The following NAALADL2 variants were observed in gnomAD, a reference collection of about 807,000 sequenced individuals.
The protein encoded by NAALADL2 is inactive N-acetylated-alpha-linked acidic dipeptidase-like protein 2.
Under a neutral mutation model 87.2 loss-of-function variants are expected in NAALADL2, and 76 were observed. The observed-to-expected ratio is 0.87, with a 90% CI of 0.72 to 1.05. The LOEUF is 1.05. Ranked by LOEUF, NAALADL2 falls within the 50% of genes least tolerant of loss-of-function variation. The pLI is 0.00. For missense variants in NAALADL2, 1,089 were observed against 945.8 expected (o/e 1.15, Z -1.99); for synonymous variants, 354 against 331.0 (o/e 1.07, Z -0.75).
chr3:174,987,590 A>AAAAC (rs1560446058), intron 1 of NAALADL2, among the ~76,000 whole-genome samples: 1 of 141,662 alleles, frequency 7.1e-6, no homozygotes, highest in African/African-American at 2.8e-5. Flanking sequence ...AAAAAAAAAA[A>AAAAC]AAAAAAAACA....
At chr3:174,487,936 G>A (rs1192996345) in intron 1 of NAALADL2, among the ~76,000 whole-genome samples, 2 of 151,880 alleles carry the variant, frequency 1.3e-5, no homozygotes, top group Admixed American at 6.6e-5. Context: ...CGTAGCAAGA[G>A]CCAATATATA....
intron 13 of NAALADL2, 99 bp from the exon 14 acceptor site, chr3:175,802,906 A>G: frequency 2.7e-6 from 2 of 734,560 alleles, no homozygotes; most frequent in Non-Finnish European, 4.5e-6. Flanking sequence ...TTATTCATTT[A>G]TTGAAAACAT....
rs143156290 is a variant in NAALADL2, at chr3:175,649,988, A to G, written c.1896+22602A>G. ...AAACATAAGCTTATCCTATGACCCAACAATTCCACTCCTAGGAATCAACAC... is the reference window on the plus strand; with the variant it reads ...AAACATAAGCTTATCCTATGACCCAGCAATTCCACTCCTAGGAATCAACAC... On this transcript the variant is annotated intron_variant, in intron 11 of 13. Coordinates refer to ENST00000454872, the MANE Select transcript of NAALADL2 (RefSeq NM_207015.3). Among the ~76,000 whole-genome samples, 1,023 of 151,176 alleles carry G rather than the reference A, an allele frequency of 6.8e-3. 2 individuals carry two copies. The highest frequency in any genetic ancestry group is 0.01 in the South Asian group (50 of 4,772).
rs115223876 is a variant in NAALADL2 at position 175,579,710 on chromosome 3, C to T, written c.1800+3523C>T. On this transcript the variant is annotated intron_variant, in intron 10 of 13. Coordinates refer to ENST00000454872, the MANE Select transcript of NAALADL2 (RefSeq NM_207015.3). ...CATTCTGTACAGATTAAATACAATGCGGAGAATGTCAAAAAGGAAAAGACA... is the reference window on the plus strand; with the variant it reads ...CATTCTGTACAGATTAAATACAATGTGGAGAATGTCAAAAAGGAAAAGACA... Among the ~76,000 whole-genome samples the T allele has an allele frequency of 4.5e-3, 679 of 152,222 alleles. 3 individuals are homozygous for T. Among genetic ancestry groups the T allele is most frequent in the Middle Eastern group, 0.024 (7 of 294 alleles).
At chr3:175,774,421 A>G (rs1353220451) in intron 13 of NAALADL2, among the ~76,000 whole-genome samples, 1 of 152,014 alleles carries the variant, frequency 6.6e-6, no homozygotes, top group Non-Finnish European at 1.5e-5. Context: ...GAAAAAGTTA[A>G]ACAAAAATTT....
At chr3:174,666,959 C>A (rs973632724) in intron 2 of NAALADL2, among the ~76,000 whole-genome samples, 1 of 152,048 alleles carries the variant, frequency 6.6e-6, no homozygotes, top group Non-Finnish European at 1.5e-5. Flanking sequence ...TGTTTTGTTT[C>A]ATCTAACATA....
chr3:174,545,001 A>G (rs1465501898), intron 1 of NAALADL2, among the ~76,000 whole-genome samples: 1 of 151,932 alleles, frequency 6.6e-6, no homozygotes, highest in Admixed American at 6.6e-5. Context: ...TCAGCCTCCC[A>G]TGTTTCCAGG....
intron 1 of NAALADL2, among the ~76,000 whole-genome samples, chr3:174,944,165 C>G (rs6771445): frequency 0.041 from 6,280 of 152,246 alleles, 439 homozygotes; most frequent in African/African-American, 0.14. Context: ...CCTGCTCCTC[C>G]CTCTAGGAGC....
chr3:174,595,991 A>T (rs1457629745), intron 2 of NAALADL2, among the ~76,000 whole-genome samples: 1 of 152,084 alleles, frequency 6.6e-6, no homozygotes, highest in Non-Finnish European at 1.5e-5. Flanking sequence ...CAGCCTGGGC[A>T]CAAGAGCCAA....
At chr3:175,332,286 G>A (rs1027519689) in intron 5 of NAALADL2, among the ~76,000 whole-genome samples, 2 of 152,090 alleles carry the variant, frequency 1.3e-5, no homozygotes, top group African/African-American at 2.4e-5. Flanking sequence ...ACAAAAAGAA[G>A]AAACCTGGAG....
intron 2 of NAALADL2, among the ~76,000 whole-genome samples, chr3:175,170,477 TATA>T (rs1441725434): frequency 2.4e-4 from 35 of 146,860 alleles, no homozygotes; most frequent in Non-Finnish European, 1.2e-4. Flanking sequence ...ATAAATATAA[TATA>T]ATATATAAAT....
At position 174,478,508 on chromosome 3, in the gene NAALADL2, A is replaced by T. The variant is rs551352700; in HGVS notation, c.-184+37476A>T. Among the ~76,000 whole-genome samples the T allele has an allele frequency of 1.2e-4, 19 of 152,116 alleles. No homozygotes were observed. The South Asian group carries it at 1.9e-3, about 15-fold the overall frequency. ...ATTAGAAATCAGATTTAATTTTGGA[A>T]TTTCTCCCCCTAATTCTATAAAAAT... On this transcript the variant is annotated intron_variant, in intron 1 of 3. Transcript: ENST00000434257.
intron 9 of NAALADL2, among the ~76,000 whole-genome samples, chr3:175,568,761 A>G (rs1339959018): frequency 1.3e-5 from 2 of 152,214 alleles, no homozygotes; most frequent in African/African-American, 2.4e-5. Context: ...TTAAACTGCA[A>G]TTACCTAAGT....
At chr3:174,547,652 A>C (rs1711552705) in intron 1 of NAALADL2, among the ~76,000 whole-genome samples, 1 of 152,136 alleles carries the variant, frequency 6.6e-6, no homozygotes, top group Non-Finnish European at 1.5e-5. Flanking sequence ...TTAGGTCCAT[A>C]TGACCAAATC....
intron 13 of NAALADL2, among the ~76,000 whole-genome samples, chr3:175,787,928 A>T (rs1752285665): frequency 1.3e-5 from 2 of 152,112 alleles, no homozygotes; most frequent in South Asian, 4.1e-4. Context: ...TTATAAATAA[A>T]TTTAGTATAG....
rs1581601108 is a variant in NAALADL2, at chr3:175,367,116, A to T, written c.1090+42791A>T. ...TCCCAGCACCATTTATTAAATAGGG[A>T]ATCCTTTCCCCATTGCTTGTTTTTC... On this transcript the variant is annotated intron_variant, in intron 5 of 13. Coordinates refer to ENST00000454872, the MANE Select transcript of NAALADL2 (RefSeq NM_207015.3). Among the ~76,000 whole-genome samples, 4 of 151,110 alleles carry T rather than the reference A, an allele frequency of 2.6e-5. No homozygotes were observed. In the South Asian group the frequency reaches 8.3e-4, roughly 31 times the overall value.
At chr3:175,645,322 A>G (rs928409103) in intron 11 of NAALADL2, among the ~76,000 whole-genome samples, 4 of 152,148 alleles carry the variant, frequency 2.6e-5, no homozygotes, top group African/African-American at 9.7e-5. Context: ...ACATTGGTTG[A>G]AGATAATATG....
chr3:174,566,277 T>G lies in NAALADL2; in HGVS notation c.-115+15640T>G, dbSNP rs183295578. On this transcript the variant is annotated intron_variant, in intron 2 of 3. Coordinates refer to the NAALADL2 transcript ENST00000434257. ...ACAGATATTTTTGTAGATTTAACTT[T>G]CATTCTAGAAATACAGTTTATTCAG... Among the ~76,000 whole-genome samples, 74 of 152,068 alleles carry G rather than the reference T, an allele frequency of 4.9e-4. 1 individual carries two copies. Among genetic ancestry groups the G allele is most frequent in the Non-Finnish European group, 3.7e-4 (25 of 67,836 alleles).
At chr3:174,694,830 C>T (rs1728879644) in intron 2 of NAALADL2, among the ~76,000 whole-genome samples, 2 of 151,868 alleles carry the variant, frequency 1.3e-5, no homozygotes, top group South Asian at 4.1e-4. Flanking sequence ...AAATAGAATG[C>T]ATGTTTATAG....
Sources: allele counts gnomAD v4.1 joint callset (sites outside exome capture counted in the v4.1 genomes callset), GRCh38; gene constraint gnomAD v4.1.1; transcripts MANE v1.5; gene names NCBI Gene and HGNC (gene_info 2026-07-23, HGNC 2026-07-21).